Variants in RBFOX1 observed in about 807,000 individuals in gnomAD.
The protein encoded by RBFOX1 is RNA binding fox-1 homolog 1, also known as RNA binding protein fox-1 homolog 1.
In RBFOX1, 8 loss-of-function variants were observed where a neutral mutation model predicts 57.7. The ratio of observed to expected loss-of-function variants is 0.14; its 90% CI spans 0.08 to 0.25. The LOEUF (loss-of-function observed/expected upper bound fraction) is 0.25, where lower values mean the gene tolerates loss of function less well. RBFOX1 is among the 10% of genes least tolerant of loss of function. The pLI is 1.00. For missense variants in RBFOX1, 611 were observed against 548.5 expected, an observed-to-expected ratio of 1.11 and a Z score of -1.14; for synonymous variants, 326 against 222.4, an observed-to-expected ratio of 1.47 and a Z score of -4.15.
At chr16:6,849,345 G>A (rs541762631) in intron 3 of RBFOX1, among the ~76,000 whole-genome samples, 14 of 152,280 alleles carry the variant, frequency 9.2e-5, no homozygotes, top group Non-Finnish European at 2.1e-4. Context: ...GACAAAAGTA[G>A]AAAAAATATA....
At chr16:6,085,206 T>C (rs1306321473) in intron 1 of RBFOX1, among the ~76,000 whole-genome samples, 1 of 152,196 alleles carries the variant, frequency 6.6e-6, no homozygotes, top group African/African-American at 2.4e-5. Context: ...TTCTCATTTC[T>C]TTCACGTGAC....
At chr16:5,903,333 T>A (rs187276897) in intron 4 of RBFOX1, among the ~76,000 whole-genome samples, 2 of 152,216 alleles carry the variant, frequency 1.3e-5, no homozygotes, top group Non-Finnish European at 2.9e-5. Flanking sequence ...AGTATCAACC[T>A]GTCCTCTGAG....
intron 3 of RBFOX1, among the ~76,000 whole-genome samples, chr16:6,887,464 G>T (rs74008403): frequency 1.3e-5 from 2 of 152,024 alleles, no homozygotes; most frequent in Non-Finnish European, 2.9e-5. Context: ...TCTAAACTTC[G>T]CATCATGTTT....
intron 2 of RBFOX1, among the ~76,000 whole-genome samples, chr16:6,335,340 A>G (rs552739601): frequency 2.6e-5 from 4 of 152,160 alleles, no homozygotes; most frequent in Admixed American, 1.3e-4. Context: ...TGCTTTATTC[A>G]TGCATCTCTC....
intron 4 of RBFOX1, among the ~76,000 whole-genome samples, chr16:7,148,199 G>C (rs1277125829): frequency 2.6e-5 from 4 of 152,190 alleles, no homozygotes; most frequent in African/African-American, 4.8e-5. Flanking sequence ...CCTGGGGTCT[G>C]TTAGATCAAC....
At chr16:5,300,147 A>G (rs1454997211) in intron 1 of RBFOX1, among the ~76,000 whole-genome samples, 1 of 152,114 alleles carries the variant, frequency 6.6e-6, no homozygotes, top group African/African-American at 2.4e-5. Flanking sequence ...TTCCTGAGAT[A>G]AATCTCATTT....
At chr16:6,497,053 C>G (rs2095791629) in intron 2 of RBFOX1, among the ~76,000 whole-genome samples, 1 of 152,190 alleles carries the variant, frequency 6.6e-6, no homozygotes, top group South Asian at 2.1e-4. Flanking sequence ...ATGAGGCTCT[C>G]AAACCTCTTA....
intron 3 of RBFOX1, among the ~76,000 whole-genome samples, chr16:6,693,775 C>T (rs1398045135): frequency 6.6e-6 from 1 of 151,954 alleles, no homozygotes; most frequent in Non-Finnish European, 1.5e-5. Context: ...TTAGCAACAT[C>T]ATCTTCCTCC....
At chr16:5,489,870 A>G (rs544946209) in intron 2 of RBFOX1, among the ~76,000 whole-genome samples, 1 of 152,286 alleles carries the variant, frequency 6.6e-6, no homozygotes, top group South Asian at 2.1e-4. Flanking sequence ...CCTCCACCAG[A>G]CCTGGGCATT....
intron 5 of RBFOX1, among the ~76,000 whole-genome samples, chr16:7,561,779 T>G (rs1191804397): frequency 6.6e-6 from 1 of 152,234 alleles, no homozygotes; most frequent in Non-Finnish European, 1.5e-5. Flanking sequence ...ACCCATTTTC[T>G]GCAACTGAAT....
intron 4 of RBFOX1, among the ~76,000 whole-genome samples, chr16:7,219,531 A>C (rs1039372524): frequency 1.6e-4 from 24 of 152,342 alleles, no homozygotes; most frequent in African/African-American, 4.6e-4. Flanking sequence ...AATGTGCAAG[A>C]GGAAACAAAT....
chr16:7,007,982 T>C lies in RBFOX1; in HGVS notation c.-15-44075T>C, dbSNP rs555452556. Among the ~76,000 whole-genome samples, 12 of 152,238 alleles carry C rather than the reference T, an allele frequency of 7.9e-5. No homozygotes were observed. In the East Asian group the frequency reaches 2.3e-3, roughly 29 times the overall value. On this transcript the variant is annotated intron_variant, in intron 3 of 15. Transcript: ENST00000550418. ...AAATGGCAACAGATTTCAGAAATGG[T>C]AGCAAAATAAAACCAGTATAATGTT...
intron 3 of RBFOX1, among the ~76,000 whole-genome samples, chr16:5,782,630 A>G (rs74006289): frequency 0.027 from 4,073 of 152,268 alleles, 183 homozygotes; most frequent in African/African-American, 0.091. Context: ...AACAGAACCA[A>G]TGGGAGATAC....
chr16:7,310,686 G>C (rs1033118993), intron 4 of RBFOX1, among the ~76,000 whole-genome samples: 2 of 152,120 alleles, frequency 1.3e-5, no homozygotes, highest in African/African-American at 2.4e-5. Context: ...ATTAAACATA[G>C]ACTTGCCCAA....
At chr16:7,503,811 A>G (rs2071827770) in intron 4 of RBFOX1, among the ~76,000 whole-genome samples, 1 of 152,118 alleles carries the variant, frequency 6.6e-6, no homozygotes, top group Non-Finnish European at 1.5e-5. Context: ...CTGCTTGTCC[A>G]TATGCCCTTC....
intron 3 of RBFOX1, among the ~76,000 whole-genome samples, chr16:6,767,589 A>C (rs1315985060): frequency 6.6e-6 from 1 of 152,122 alleles, no homozygotes; most frequent in African/African-American, 2.4e-5. Context: ...TGACAGTATA[A>C]ATCTTTCAAA....
chr16:6,861,119 C>T (rs572982108), intron 3 of RBFOX1, among the ~76,000 whole-genome samples: 1 of 152,164 alleles, frequency 6.6e-6, no homozygotes, highest in Non-Finnish European at 1.5e-5. Context: ...GCGGGGTGGA[C>T]ATACGGCATT....
At chr16:5,306,609 G>C (rs2063941794) in intron 1 of RBFOX1, among the ~76,000 whole-genome samples, 1 of 152,086 alleles carries the variant, frequency 6.6e-6, no homozygotes, top group African/African-American at 2.4e-5. Context: ...GCCTGGCCGG[G>C]GTCTTGTAGA....
At position 7,054,232 on chromosome 16, in the gene RBFOX1, G is replaced by GGGGGGGT. The variant is rs2051202151; in HGVS notation, c.27+2134_27+2135insGGGGGGT. ...TTTTTTCGGGGGGGGGGGGCGGGGA[G>GGGGGGGT]CTTTTTTTTTTTTTTTTTTTTTTTT... On this transcript the variant is annotated intron_variant, in intron 4 of 15. Coordinates refer to ENST00000550418, the MANE Select transcript of RBFOX1 (RefSeq NM_018723.4). Among the ~76,000 whole-genome samples, 2 of 32,700 alleles carry GGGGGGGT rather than the reference G, an allele frequency of 6.1e-5. 1 individual carries two copies. The highest frequency in any genetic ancestry group is 3.1e-4 in the African/African-American group (2 of 6,434). The allele number at this position is 32,700 out of a possible 152,430, so 21.5% of individuals were successfully genotyped here. A position where few individuals can be genotyped will look rare whatever the true frequency, so the allele number is the denominator to read the frequency against.
Sources: gnomAD v4.1 joint callset for allele counts (sites outside exome capture counted in the v4.1 genomes callset) on GRCh38, gnomAD v4.1.1 for gene constraint, MANE v1.5 for transcripts, NCBI Gene and HGNC (gene_info 2026-07-23, HGNC 2026-07-21) for gene names.